Variants in TBC1D5 observed in about 807,000 individuals in gnomAD.
TBC1D5 encodes the protein TBC1 domain family member 5.
Under a neutral mutation model 100.3 loss-of-function variants are expected in TBC1D5, and 75 were observed. The ratio of observed to expected loss-of-function variants is 0.75; its 90% CI spans 0.62 to 0.91. The LOEUF (loss-of-function observed/expected upper bound fraction) is 0.91. Among genes scored for constraint, TBC1D5 ranks in the 40% least tolerant of loss-of-function variants. The pLI is 0.00. For missense variants in TBC1D5, 910 were observed against 942.4 expected (o/e 0.97, Z 0.45); for synonymous variants, 323 against 325.6 (o/e 0.99, Z 0.09).
At chr3:17,618,313 G>A (rs879366361) in intron 2 of TBC1D5, among the ~76,000 whole-genome samples, 5 of 152,140 alleles carry the variant, frequency 3.3e-5, no homozygotes, top group Admixed American at 6.5e-5. Flanking sequence ...GGTGTCTGTC[G>A]GCCCATACTG....
At chr3:17,681,171 G>A (rs372962526) in intron 1 of TBC1D5, among the ~76,000 whole-genome samples, 8 of 151,562 alleles carry the variant, frequency 5.3e-5, no homozygotes, top group Non-Finnish European at 8.8e-5. Flanking sequence ...GCTTCATACC[G>A]TAACTAACTG....
Position 17,429,300 on chromosome 3 carries a change from T to C in TBC1D5, c.98-781A>G, listed in dbSNP as rs528505628. On this transcript the variant is annotated intron_variant, in intron 3 of 21. Coordinates refer to ENST00000253692, the Ensembl canonical transcript of TBC1D5. ...CTTACCAATGCCCCGTTGTTATATA[T>C]TCTTATTGATTGAAATTTCATAGTT... Among the ~76,000 whole-genome samples, 6 of 152,064 alleles carry C rather than the reference T, an allele frequency of 3.9e-5. No individual in the cohort carries two copies. In the South Asian group the frequency reaches 1.2e-3, roughly 31 times the overall value.
chr3:17,597,787 C>A (rs1399348697), intron 2 of TBC1D5, among the ~76,000 whole-genome samples: 1 of 152,126 alleles, frequency 6.6e-6, no homozygotes, highest in Non-Finnish European at 1.5e-5. Context: ...TAAATTAGAT[C>A]CCACACTACC....
At chr3:17,388,886 A>C (rs1327596153) in intron 8 of TBC1D5, among the ~76,000 whole-genome samples, 2 of 152,108 alleles carry the variant, frequency 1.3e-5, no homozygotes, top group East Asian at 3.9e-4. Flanking sequence ...AAACAAAGAA[A>C]CAAAAAAAAT....
intron 17 of TBC1D5, 135 bp from the exon 19 acceptor site, chr3:17,214,505 T>C: frequency 2.3e-6 from 2 of 879,134 alleles, no homozygotes; most frequent in Non-Finnish European, 1.7e-6. Flanking sequence ...CACTATGGAG[T>C]ATTAAAATGC....
At chr3:17,676,258 C>T (rs1484820960) in intron 1 of TBC1D5, among the ~76,000 whole-genome samples, 3 of 152,128 alleles carry the variant, frequency 2.0e-5, no homozygotes, top group Non-Finnish European at 2.9e-5. Flanking sequence ...CTCATTTCTG[C>T]ATTTTGTTTA....
chr3:17,701,850 C>CT lies in TBC1D5; in HGVS notation c.-101+37492dup, dbSNP rs77546558. Among the ~76,000 whole-genome samples, 261 of 142,796 alleles carry CT rather than the reference C, an allele frequency of 1.8e-3. 2 individuals carry two copies. Among genetic ancestry groups the CT allele is most frequent in the Middle Eastern group, 0.011 (3 of 276 alleles). The allele number at this position is 142,796 out of a possible 152,430, so 93.7% of individuals were successfully genotyped here. A position where few individuals can be genotyped will look rare whatever the true frequency, so the allele number is the denominator to read the frequency against. The stretch of plus-strand genomic sequence containing the variant: ...CAATCCCTGACCAGACTAGCTTTTT[C>CT]TTTTTTTTTTTTCCTAACTAAGAAT... On this transcript the variant is annotated intron_variant, in intron 1 of 21. Coordinates refer to ENST00000253692, the Ensembl canonical transcript of TBC1D5.
At chr3:17,313,834 G>A (rs982985812) in intron 13 of TBC1D5, among the ~76,000 whole-genome samples, 2 of 152,018 alleles carry the variant, frequency 1.3e-5, no homozygotes, top group African/African-American at 4.8e-5. Flanking sequence ...TTATTCAAAG[G>A]GACATGGCCA....
intron 2 of TBC1D5, among the ~76,000 whole-genome samples, chr3:17,568,810 T>A (rs995946443): frequency 1.3e-5 from 2 of 151,750 alleles, no homozygotes; most frequent in Non-Finnish European, 3.0e-5. Context: ...GATCTTAAAA[T>A]TGCCCAAGTT....
At chr3:17,629,870 T>G (rs769183253) in intron 1 of TBC1D5, among the ~76,000 whole-genome samples, 1 of 152,198 alleles carries the variant, frequency 6.6e-6, no homozygotes, top group Non-Finnish European at 1.5e-5. Flanking sequence ...ATACTGGACT[T>G]CTGACCTACA....
chr3:17,720,810 CT>C (rs60219312), intron 1 of TBC1D5, among the ~76,000 whole-genome samples: 80 of 145,078 alleles, frequency 5.5e-4, no homozygotes, highest in Admixed American at 4.1e-4. Context: ...GTGAGACTTT[CT>C]TTTTTTTTTT....
intron 1 of TBC1D5, among the ~76,000 whole-genome samples, chr3:17,680,988 C>A (rs1189694264): frequency 6.6e-6 from 1 of 151,340 alleles, no homozygotes; most frequent in Non-Finnish European, 1.5e-5. Flanking sequence ...GTGCAGGGAC[C>A]CAAACTACTT....
At chr3:17,275,699 C>G (rs2149780268) in intron 15 of TBC1D5, among the ~76,000 whole-genome samples, 1 of 152,212 alleles carries the variant, frequency 6.6e-6, no homozygotes, top group East Asian at 1.9e-4. Flanking sequence ...AGATGTCAAT[C>G]AAAAGGGGTC....
rs77444701 is a variant in TBC1D5 at position 17,594,113 on chromosome 3, G to A, written c.-36+29736C>T. On this transcript the variant is annotated intron_variant, in intron 2 of 21. Transcript: ENST00000253692. ...ACACAACAATGATTCCATTAAATTGGAAGTTAAGATTGCCACCTGGACACT... is the reference window on the plus strand; with the variant it reads ...ACACAACAATGATTCCATTAAATTGAAAGTTAAGATTGCCACCTGGACACT... Among the ~76,000 whole-genome samples the A allele has an allele frequency of 1.3e-4, 20 of 152,274 alleles. 1 individual carries two copies. In the East Asian group the frequency reaches 3.9e-3, roughly 29 times the overall value.
chr3:17,301,225 GTA>G (rs2082798497), intron 14 of TBC1D5, among the ~76,000 whole-genome samples: 1 of 152,022 alleles, frequency 6.6e-6, no homozygotes, highest in Non-Finnish European at 1.5e-5. Flanking sequence ...CAAATAAAAG[GTA>G]TGTTATGTTT....
chr3:17,538,724 T>C lies in TBC1D5; in HGVS notation c.-35-30119A>G, dbSNP rs1404076053. On this transcript the variant is annotated intron_variant, in intron 2 of 21. Transcript: ENST00000253692. Reference sequence around the variant, plus strand: ...TTCAAAGATTTTCCAATTGGCAACTTGTCAACAGAGTTTACCTAAAGACTA... The same window carrying C: ...TTCAAAGATTTTCCAATTGGCAACTCGTCAACAGAGTTTACCTAAAGACTA... 2.6e-5 allele frequency among the ~76,000 whole-genome samples: 4 copies of C among 152,158 alleles called. No homozygotes were observed. The East Asian group carries it at 7.7e-4, about 29-fold the overall frequency.
chr3:17,353,918 A>G (rs747944524), intron 13 of TBC1D5, among the ~76,000 whole-genome samples: 4 of 152,098 alleles, frequency 2.6e-5, no homozygotes, highest in Admixed American at 2.6e-4. Context: ...CATGTTGCCT[A>G]TGCTTGTTTC....
chr3:17,491,918 CTGG>C (rs1417158607), intron 3 of TBC1D5, among the ~76,000 whole-genome samples: 2 of 152,150 alleles, frequency 1.3e-5, no homozygotes, highest in African/African-American at 4.8e-5. Flanking sequence ...GGAAATCCAC[CTGG>C]TCCTGGGCTT....
At chr3:17,366,066 G>C (rs1351448378) in intron 13 of TBC1D5, among the ~76,000 whole-genome samples, 1 of 152,134 alleles carries the variant, frequency 6.6e-6, no homozygotes, top group Non-Finnish European at 1.5e-5. Context: ...AAGGCAGGCA[G>C]ATCACCTGAG....
Sources: allele counts gnomAD v4.1 joint callset (sites outside exome capture counted in the v4.1 genomes callset), GRCh38; gene constraint gnomAD v4.1.1; transcripts MANE v1.5; gene names NCBI Gene and HGNC (gene_info 2026-07-23, HGNC 2026-07-21).